IQCH: variants seen among roughly 807,000 people sequenced by gnomAD.
The protein encoded by IQCH is IQ motif containing H.
IQCH carries 98 observed loss-of-function variants against 117.0 expected under a neutral mutation model. That is an observed-to-expected ratio of 0.84 (90% CI 0.71 to 0.99). The LOEUF is 0.99. Among genes scored for constraint, IQCH ranks in the 50% least tolerant of loss-of-function variants. IQCH has a pLI of 0.00. For synonymous variants in IQCH, 412 were observed against 448.2 expected, an observed-to-expected ratio of 0.92 and a Z score of 1.02; for missense variants, 1,102 against 1,243.8, an observed-to-expected ratio of 0.89 and a Z score of 1.72.
chr15:67,292,567 A>C (rs982220750), intron 4 of IQCH, among the ~76,000 whole-genome samples: 9 of 152,178 alleles, frequency 5.9e-5, no homozygotes, highest in African/African-American at 2.2e-4. Flanking sequence ...ATAGCAGCCC[A>C]AAAAGACTAA....
intron 16 of IQCH, among the ~76,000 whole-genome samples, chr15:67,441,120 TGCAAAAAAAAAAAAAA>T: frequency 2.8e-5 from 1 of 35,468 alleles, no homozygotes; most frequent in Non-Finnish European, 5.0e-5. Context: ...TTGCAATAGC[TGCAAAAAAAAAAAAAA>T]AAAAAAAAAA....
chr15:67,403,633 CG>C lies in IQCH; in HGVS notation c.2097+3333del, dbSNP rs1971760725. 1 of 152,118 alleles carries C rather than the reference CG, an allele frequency of 6.6e-6. No individual in the cohort carries two copies. Among genetic ancestry groups the C allele is most frequent in the African/African-American group, 2.4e-5 (1 of 41,420 alleles). The allele number at this position is 152,118 out of a possible 1,614,324, so 9.4% of individuals were successfully genotyped here. Reference sequence around the variant, plus strand: ...CACTCCAAACTCCACGTTCCCCAGTCGGGGGTATTTATTTTCATTTAGGAGG... The same window carrying C: ...CACTCCAAACTCCACGTTCCCCAGTCGGGGTATTTATTTTCATTTAGGAGG... On this transcript the variant is annotated intron_variant, in intron 14 of 20. Coordinates refer to ENST00000335894, the MANE Select transcript of IQCH (RefSeq NM_001031715.3). The surrounding 1 kb of genome is among the most constrained non-coding windows in gnomAD (Gnocchi z 4.8).
At chr15:67,284,626 C>G (rs577717758) in intron 4 of IQCH, among the ~76,000 whole-genome samples, 1 of 152,254 alleles carries the variant, frequency 6.6e-6, no homozygotes, top group Non-Finnish European at 1.5e-5. Flanking sequence ...CCTCCTCCCT[C>G]CAATAGGACC....
chr15:67,353,145 CAA>C (rs1395691593), intron 6 of IQCH, among the ~76,000 whole-genome samples: 1 of 115,176 alleles, frequency 8.7e-6, no homozygotes, highest in Non-Finnish European at 1.8e-5. Context: ...GACTCAGTCT[CAA>C]AAAAAAAAAT....
In IQCH at chr15:67,475,552, A is replaced by G. The variant is rs984835769; in HGVS notation, c.2677-144A>G. On this transcript the variant is annotated intron_variant, in intron 17 of 20. Transcript: ENST00000335894. This position sits in a 1 kb window ranked among gnomAD's most constrained non-coding sequence, Gnocchi z 5.7. Reference sequence around the variant, plus strand: ...TGTGACAAATGTACCACAGCAATGTAAGATGTTAACAATAGGAGAACTGGG... The same window carrying G: ...TGTGACAAATGTACCACAGCAATGTGAGATGTTAACAATAGGAGAACTGGG... The G allele has an allele frequency of 1.6e-6, 1 of 631,760 alleles. No homozygotes were observed. Among genetic ancestry groups the G allele is most frequent in the African/African-American group, 1.8e-5 (1 of 54,502 alleles). 39.1% of individuals were successfully genotyped at this position (631,760 alleles called of 1,614,324 possible). A position where few individuals can be genotyped will look rare whatever the true frequency, so the allele number is the denominator to read the frequency against.
At chr15:67,367,780 TGAAAG>T (rs1028755576) in intron 8 of IQCH, among the ~76,000 whole-genome samples, 1 of 152,140 alleles carries the variant, frequency 6.6e-6, no homozygotes, top group African/African-American at 2.4e-5. Context: ...GAGGGGCTGA[TGAAAG>T]GAAATGGAAG....
intron 20 of IQCH, among the ~76,000 whole-genome samples, chr15:67,497,562 C>T (rs1178517963): frequency 1.3e-5 from 2 of 152,172 alleles, no homozygotes; most frequent in Non-Finnish European, 1.5e-5. Flanking sequence ...GATGCAATCT[C>T]GGCTCACTGC....
chr15:67,341,444 T>C (rs1969170062), intron 5 of IQCH, among the ~76,000 whole-genome samples: 1 of 152,150 alleles, frequency 6.6e-6, no homozygotes, highest in South Asian at 2.1e-4. Flanking sequence ...AGGGAATAAC[T>C]TGCCATCCAT....
At chr15:67,419,334 G>T (rs117255432) in intron 15 of IQCH, among the ~76,000 whole-genome samples, 2 of 152,108 alleles carry the variant, frequency 1.3e-5, no homozygotes, top group African/African-American at 4.8e-5. Context: ...CCTTTCTCTC[G>T]ACCCAGTGCA....
chr15:67,491,697 A>T lies in IQCH; in HGVS notation c.2861+1633A>T, dbSNP rs963126793. Among the ~76,000 whole-genome samples the T allele has an allele frequency of 1.3e-5, 2 of 152,134 alleles. No individual in the cohort carries two copies. The highest frequency in any genetic ancestry group is 4.8e-5 in the African/African-American group (2 of 41,422). On this transcript the variant is annotated intron_variant, in intron 19 of 20. Transcript: ENST00000335894. This position sits in a 1 kb window ranked among gnomAD's most constrained non-coding sequence, Gnocchi z 4.9. ...CTTCATCTTCTCCACCTAGGCCTTC[A>T]CATCCAGAATGATAACAGAGCCAGG...
In IQCH at chr15:67,395,394, T is replaced by C; in HGVS notation, c.1736T>C (p.Leu579Pro). Reference sequence around the variant, plus strand: ...ACAGAGGCCTACATCGTCAGCGGGCTCCTCCACAGAGATGATTTAGCTGTG... The same window carrying C: ...ACAGAGGCCTACATCGTCAGCGGGCCCCTCCACAGAGATGATTTAGCTGTG... ...RGTEAYIVSG[L>P]LHRDDLAVAD... is the part of the protein sequence containing the mutation. Residue 579 changes from leucine (L) to proline (P), a missense_variant, in exon 13 of 21, where the codon CTC (leucine) becomes CCC (proline). This residue lies in a region of IQCH where 650 missense variants were observed against 794.3 expected (regional missense o/e 0.82). Coordinates refer to ENST00000335894, the MANE Select transcript of IQCH (RefSeq NM_001031715.3). This position sits in a 1 kb window ranked among gnomAD's most constrained non-coding sequence, Gnocchi z 4.0. 6.2e-7 allele frequency: 1 copy of C among 1,614,058 alleles called. No homozygotes were observed. The highest frequency in any genetic ancestry group is 8.5e-7 in the Non-Finnish European group (1 of 1,179,974).
chr15:67,343,271 C>T (rs1370840688), intron 5 of IQCH, among the ~76,000 whole-genome samples: 1 of 152,148 alleles, frequency 6.6e-6, no homozygotes, highest in Admixed American at 6.5e-5. Context: ...TGTAAAAGAG[C>T]AACAAGAAAC....
chr15:67,394,881 T>C (rs4776355), intron 12 of IQCH, among the ~76,000 whole-genome samples: 151,314 of 152,270 alleles, frequency 0.99, 75,192 homozygotes, highest in Non-Finnish European at 1. Flanking sequence ...TGGTAGGAAT[T>C]TATAAAGTAA....
At chr15:67,260,453 A>G (rs1004162239) in intron 1 of IQCH, among the ~76,000 whole-genome samples, 4 of 152,242 alleles carry the variant, frequency 2.6e-5, no homozygotes, top group African/African-American at 9.6e-5. Flanking sequence ...TCAAACACCT[A>G]CCAAACTCCT....
At position 67,426,994 on chromosome 15, in the gene IQCH, A is replaced by G. The variant is rs2081908707; in HGVS notation, c.2505+5417A>G. On this transcript the variant is annotated intron_variant, in intron 16 of 20. Transcript: ENST00000335894. This position sits in a 1 kb window ranked among gnomAD's most constrained non-coding sequence, Gnocchi z 5.1. Reference sequence around the variant, plus strand: ...GAGACCCAGTATCCAAAAAAAAAAAAGAAGAAGAAAATCCCAGAAACAGGA... The same window carrying G: ...GAGACCCAGTATCCAAAAAAAAAAAGGAAGAAGAAAATCCCAGAAACAGGA... Among the ~76,000 whole-genome samples, 1 of 151,878 alleles carries G rather than the reference A, an allele frequency of 6.6e-6. No homozygotes were observed. Among genetic ancestry groups the G allele is most frequent in the Admixed American group, 6.6e-5 (1 of 15,238 alleles).
rs35806920 is a variant in IQCH at position 67,413,070 on chromosome 15, GGTGT to G, written c.2098-3834_2098-3831del. On this transcript the variant is annotated intron_variant, in intron 14 of 20. Transcript: ENST00000335894. The surrounding 1 kb of genome is among the most constrained non-coding windows in gnomAD (Gnocchi z 5.0). ...ATTGGAGTGTTTGTCTGTTATGGAA[GGTGT>G]GTGTGTGTGTGTGTGTGTGTGTGTG... 0.02 allele frequency among the ~76,000 whole-genome samples: 2,919 copies of G among 147,924 alleles called. 83 individuals are homozygous for G. Among genetic ancestry groups the G allele is most frequent in the African/African-American group, 0.066 (2,691 of 40,512 alleles).
At chr15:67,347,133 A>G (rs1413387879) in intron 6 of IQCH, among the ~76,000 whole-genome samples, 1 of 151,898 alleles carries the variant, frequency 6.6e-6, no homozygotes, top group Non-Finnish European at 1.5e-5. Context: ...AAAGAAAAGC[A>G]AATTATACCC....
chr15:67,403,981 G>A lies in IQCH; in HGVS notation c.2097+3676G>A, dbSNP rs900830740. 2 of 152,206 alleles carry A rather than the reference G, an allele frequency of 1.3e-5. No individual in the cohort carries two copies. The highest frequency in any genetic ancestry group is 2.9e-5 in the Non-Finnish European group (2 of 68,048). 9.4% of individuals were successfully genotyped at this position (152,206 alleles called of 1,614,324 possible). A position where few individuals can be genotyped will look rare whatever the true frequency, so the allele number is the denominator to read the frequency against. ...TCTGTTACCCTGGAGATTCTGGGATGTGGTCTTGGCATTACTATTTTACCA... is the reference window on the plus strand; with the variant it reads ...TCTGTTACCCTGGAGATTCTGGGATATGGTCTTGGCATTACTATTTTACCA... On this transcript the variant is annotated intron_variant, in intron 14 of 20. Transcript: ENST00000335894. The surrounding 1 kb of genome is among the most constrained non-coding windows in gnomAD (Gnocchi z 4.8).
At chr15:67,325,658 A>C (rs1968373750) in intron 4 of IQCH, among the ~76,000 whole-genome samples, 1 of 152,172 alleles carries the variant, frequency 6.6e-6, no homozygotes, top group Non-Finnish European at 1.5e-5. Flanking sequence ...TCTTCAAAAC[A>C]AGAAATATTC....
Sources: gnomAD v4.1 joint callset for allele counts (sites outside exome capture counted in the v4.1 genomes callset) on GRCh38, gnomAD v4.1.1 for gene constraint, gnomAD v4.1.1 regional missense constraint, Gnocchi (gnomAD v3.1) non-coding constraint, MANE v1.5 for transcripts, NCBI Gene and HGNC (gene_info 2026-07-23, HGNC 2026-07-21) for gene names.